Variants in PTK2 observed in about 807,000 individuals in gnomAD.
The protein encoded by PTK2 is protein tyrosine kinase 2.
Under a neutral mutation model 150.1 loss-of-function variants are expected in PTK2, and 45 were observed. The ratio of observed to expected loss-of-function variants is 0.30; its 90% CI spans 0.24 to 0.38. PTK2 has a LOEUF of 0.38. Ranked by LOEUF, PTK2 falls within the 10% of genes least tolerant of loss-of-function variation. PTK2 has a pLI of 1.00. For missense variants in PTK2, 919 were observed against 1,307.3 expected (o/e 0.70, Z 4.58); for synonymous variants, 432 against 449.2 (o/e 0.96, Z 0.48).
Position 140,772,707 on chromosome 8 carries a change from T to TAAC in PTK2, c.1178-8420_1178-8418dup, listed in dbSNP as rs772227995. On this transcript the variant is annotated intron_variant, in intron 14 of 31. Transcript: ENST00000522684. Reference sequence around the variant, plus strand: ...TTTTCACATGGTTCAAGGAAAAAACTAACAACAACAACAACAACAAAAAAC... The same window carrying TAAC: ...TTTTCACATGGTTCAAGGAAAAAACTAACAACAACAACAACAACAACAAAAAAC... Among the ~76,000 whole-genome samples the TAAC allele has an allele frequency of 2.9e-3, 433 of 151,742 alleles. 1 individual carries two copies. The highest frequency in any genetic ancestry group is 7.9e-3 in the African/African-American group (326 of 41,192).
chr8:140,761,189 T>C (rs1439865212), exon 16 of PTK2: 17 of 1,611,556 alleles, frequency 1.1e-5, no homozygotes, highest in Non-Finnish European at 1.4e-5. Context: ...TGCCTTGATG[T>C]ACATCTCCAA....
chr8:140,975,202 A>G (rs2100188826), intron 1 of PTK2, among the ~76,000 whole-genome samples: 1 of 152,148 alleles, frequency 6.6e-6, no homozygotes, highest in Non-Finnish European at 1.5e-5. Flanking sequence ...CTTAATGACA[A>G]AGGTTGGGTG....
chr8:140,835,429 TA>T (rs1334067251), intron 7 of PTK2, among the ~76,000 whole-genome samples: 2 of 152,226 alleles, frequency 1.3e-5, no homozygotes, highest in Non-Finnish European at 2.9e-5. Flanking sequence ...CATTTCCATG[TA>T]GTAACTCTTA....
intron 3 of PTK2, chr8:140,890,328 A>G (rs1354030962): frequency 2.2e-6 from 1 of 464,882 alleles, no homozygotes; most frequent in African/African-American, 2.0e-5. Context: ...CTAAAATATG[A>G]TTCAGTCATT....
chr8:140,893,622 CTGGGGGT>C (rs1426023232), intron 2 of PTK2, among the ~76,000 whole-genome samples: 5 of 152,030 alleles, frequency 3.3e-5, no homozygotes, highest in Non-Finnish European at 5.9e-5. Context: ...CTGCCAGTGG[CTGGGGGT>C]AGGGCAGAGT....
At chr8:140,766,405 T>C (rs2100072310) in intron 14 of PTK2, among the ~76,000 whole-genome samples, 1 of 152,208 alleles carries the variant, frequency 6.6e-6, no homozygotes, top group Admixed American at 6.5e-5. Context: ...TTTAGCCACC[T>C]ATTCAGAGAC....
chr8:140,832,669 T>C lies in PTK2; in HGVS notation c.594-2143A>G, dbSNP rs140104569. Among the ~76,000 whole-genome samples, 410 of 151,478 alleles carry C rather than the reference T, an allele frequency of 2.7e-3. 5 individuals carry two copies. Among genetic ancestry groups the C allele is most frequent in the Middle Eastern group, 6.8e-3 (2 of 292 alleles). On this transcript the variant is annotated intron_variant, in intron 7 of 31. Transcript: ENST00000522684. ...GGAGAAGCGGTGAGAAGTGGTGAGATTGAGGGGCTACTGTGGACAAAGAGG... is the reference window on the plus strand; with the variant it reads ...GGAGAAGCGGTGAGAAGTGGTGAGACTGAGGGGCTACTGTGGACAAAGAGG...
chr8:140,832,804 TA>T, intron 7 of PTK2: 1 of 518,386 alleles, frequency 1.9e-6, no homozygotes, highest in Admixed American at 1.9e-5. Flanking sequence ...TGTGAGGGCC[TA>T]AAACAGACCC....
intron 27 of PTK2, among the ~76,000 whole-genome samples, chr8:140,683,857 A>C (rs1411099295): frequency 2.0e-5 from 3 of 152,074 alleles, no homozygotes; most frequent in Non-Finnish European, 4.4e-5. Flanking sequence ...AACATAACTC[A>C]AAATAATAAG....
chr8:140,861,329 A>G (rs1169980317), intron 5 of PTK2, among the ~76,000 whole-genome samples: 1 of 152,246 alleles, frequency 6.6e-6, no homozygotes, highest in Non-Finnish European at 1.5e-5. Context: ...AGACTGGGCA[A>G]CAGAGCAAGA....
chr8:140,890,316 G>A, intron 3 of PTK2: 2 of 403,244 alleles, frequency 5.0e-6, no homozygotes, highest in Non-Finnish European at 8.7e-6. Context: ...GGTATTTTAT[G>A]ACTAAAATAT....
At chr8:140,875,995 T>A (rs1209275961) in intron 4 of PTK2, among the ~76,000 whole-genome samples, 1 of 152,232 alleles carries the variant, frequency 6.6e-6, no homozygotes, top group African/African-American at 2.4e-5. Context: ...GCCTTCTATA[T>A]CCCTAATGAT....
chr8:140,847,934 C>T (rs1024325754), intron 5 of PTK2, among the ~76,000 whole-genome samples: 3 of 152,106 alleles, frequency 2.0e-5, no homozygotes, highest in Non-Finnish European at 4.4e-5. Flanking sequence ...TATGACCGTC[C>T]CTTGCAAAGA....
chr8:140,887,435 A>G (rs2100152713), intron 3 of PTK2, among the ~76,000 whole-genome samples: 1 of 152,224 alleles, frequency 6.6e-6, no homozygotes, highest in African/African-American at 2.4e-5. Context: ...TCAACAATCA[A>G]ACATTAATTA....
intron 5 of PTK2, among the ~76,000 whole-genome samples, chr8:140,851,421 A>G (rs1220306807): frequency 2.0e-5 from 3 of 152,234 alleles, no homozygotes; most frequent in African/African-American, 7.2e-5. Flanking sequence ...ACTTACACAA[A>G]GGTAATGGTA....
intron 27 of PTK2, among the ~76,000 whole-genome samples, chr8:140,679,003 GTTT>G (rs533089786): frequency 4.1e-4 from 28 of 68,998 alleles, no homozygotes; most frequent in African/African-American, 6.4e-4. Context: ...TGCTCCCCAT[GTTT>G]TTTTTTTTTT....
chr8:140,995,064 C>T (rs112799914), intron 1 of PTK2, among the ~76,000 whole-genome samples: 6 of 133,816 alleles, frequency 4.5e-5, no homozygotes, highest in Admixed American at 3.2e-4. Context: ...TCCTGGGCAA[C>T]AAGAGTGAAA....
chr8:140,919,499 G>A (rs1369741814), intron 2 of PTK2, among the ~76,000 whole-genome samples: 4 of 139,110 alleles, frequency 2.9e-5, no homozygotes, highest in South Asian at 2.3e-4. Context: ...CTTGAATACA[G>A]CTTAGGCTTT....
chr8:140,957,566 G>T (rs2100181622), intron 1 of PTK2, among the ~76,000 whole-genome samples: 2 of 152,046 alleles, frequency 1.3e-5, no homozygotes. Context: ...GATAATTTAG[G>T]CCTTCACATT....
Sources: gnomAD v4.1 joint callset for allele counts (sites outside exome capture counted in the v4.1 genomes callset) on GRCh38, gnomAD v4.1.1 for gene constraint, MANE v1.5 for transcripts, NCBI Gene and HGNC (gene_info 2026-07-23, HGNC 2026-07-21) for gene names.